The following MSH3 variants were observed in gnomAD, a reference collection of about 807,000 sequenced individuals.
The protein encoded by MSH3 is DNA mismatch repair protein Msh3.
MSH3 carries 106 observed loss-of-function variants against 123.3 expected under a neutral mutation model. The ratio of observed to expected loss-of-function variants is 0.86; its 90% CI spans 0.73 to 1.01. MSH3 has a LOEUF of 1.01. Among genes scored for constraint, MSH3 ranks in the 50% least tolerant of loss-of-function variants. The pLI, the probability that MSH3 is intolerant of heterozygous loss-of-function variation, is 0.00. For synonymous variants in MSH3, 515 were observed against 481.4 expected (o/e 1.07, Z -0.91); for missense variants, 1,459 against 1,347.6 (o/e 1.08, Z -1.29).
intron 19 of MSH3, among the ~76,000 whole-genome samples, chr5:80,810,172 CATATATAT>C (rs113702568): frequency 1.2e-4 from 14 of 121,574 alleles, no homozygotes; most frequent in South Asian, 6.1e-4. Flanking sequence ...GTTTGACATA[CATATATAT>C]ATATATATAT....
At chr5:80,777,890 C>T (rs1330034720) in intron 16 of MSH3, among the ~76,000 whole-genome samples, 1 of 152,204 alleles carries the variant, frequency 6.6e-6, no homozygotes, top group Admixed American at 6.5e-5. Context: ...ACCACCACCA[C>T]AACCACAATA....
At chr5:80,690,116 G>T (rs2112827483) in intron 8 of MSH3, among the ~76,000 whole-genome samples, 1 of 152,144 alleles carries the variant, frequency 6.6e-6, no homozygotes, top group Admixed American at 6.5e-5. Flanking sequence ...ATGGGTTCTG[G>T]CTATTTTGCC....
intron 20 of MSH3, among the ~76,000 whole-genome samples, chr5:80,847,460 T>C (rs1389309079): frequency 6.6e-6 from 1 of 152,106 alleles, no homozygotes; most frequent in African/African-American, 2.4e-5. Context: ...TTTATCTTCA[T>C]ATTTGCTTTG....
At chr5:80,836,543 CAA>C (rs71603568) in intron 20 of MSH3, among the ~76,000 whole-genome samples, 3 of 118,820 alleles carry the variant, frequency 2.5e-5, no homozygotes, top group African/African-American at 9.7e-5. Context: ...GAATATGCCA[CAA>C]AAAAAAAAAA....
chr5:80,865,535 AT>A (rs1164688029), intron 22 of MSH3, among the ~76,000 whole-genome samples: 4 of 152,168 alleles, frequency 2.6e-5, no homozygotes, highest in African/African-American at 9.7e-5. Context: ...TATGGAGGAA[AT>A]CTACAATATT....
intron 13 of MSH3, among the ~76,000 whole-genome samples, chr5:80,761,909 A>T (rs1439253809): frequency 6.6e-6 from 1 of 152,198 alleles, no homozygotes; most frequent in Non-Finnish European, 1.5e-5. Context: ...ACAGCAACAT[A>T]GAGGCCCTTC....
intron 23 of MSH3, among the ~76,000 whole-genome samples, chr5:80,874,251 C>G (rs1271400883): frequency 6.6e-6 from 1 of 152,140 alleles, no homozygotes; most frequent in Non-Finnish European, 1.5e-5. Flanking sequence ...TACCAAAGTA[C>G]AGTAGTGCAG....
chr5:80,672,866 T>G lies in MSH3; in HGVS notation c.1027+8T>G. 6.3e-7 allele frequency: 1 copy of G among 1,581,374 alleles called. No individual in the cohort carries two copies. On this transcript the variant is annotated splice_region_variant and intron_variant, in intron 6 of 23. Transcript: ENST00000265081. Reference sequence around the variant, plus strand: ...CTACACTTATTGGAGAAGATATCCTTTTTGGACGGGAGTTTTTCTCTTAAA... The same window carrying G: ...CTACACTTATTGGAGAAGATATCCTGTTTGGACGGGAGTTTTTCTCTTAAA...
intron 19 of MSH3, among the ~76,000 whole-genome samples, chr5:80,805,596 T>G (rs1273423044): frequency 2.4e-5 from 2 of 84,972 alleles, no homozygotes; most frequent in African/African-American, 4.8e-5. Flanking sequence ...CCCCTACCTT[T>G]TTTTTTTTTT....
At chr5:80,827,946 G>A (rs1375639426) in intron 20 of MSH3, among the ~76,000 whole-genome samples, 1 of 151,966 alleles carries the variant, frequency 6.6e-6, no homozygotes, top group African/African-American at 2.4e-5. Context: ...AAACTGAGAG[G>A]AAGGTATAGA....
At chr5:80,658,418 C>CA in intron 2 of MSH3, among the ~76,000 whole-genome samples, 1 of 152,262 alleles carries the variant, frequency 6.6e-6, no homozygotes, top group East Asian at 1.9e-4. Flanking sequence ...TGATGATTAT[C>CA]ACAGTTAAGT....
intron 20 of MSH3, among the ~76,000 whole-genome samples, chr5:80,819,684 G>A (rs1745170344): frequency 6.6e-6 from 1 of 151,560 alleles, no homozygotes; most frequent in Non-Finnish European, 1.5e-5. Context: ...AGGGGGTTTC[G>A]CCATGTTGGC....
chr5:80,719,800 T>C (rs941193706), intron 8 of MSH3, among the ~76,000 whole-genome samples: 2 of 152,220 alleles, frequency 1.3e-5, no homozygotes, highest in Admixed American at 1.3e-4. Flanking sequence ...CCACCAATTC[T>C]TATATCCATG....
intron 8 of MSH3, among the ~76,000 whole-genome samples, chr5:80,699,998 A>C (rs1348326584): frequency 1.3e-5 from 2 of 152,182 alleles, no homozygotes; most frequent in Non-Finnish European, 2.9e-5. Flanking sequence ...GCAGAAGATA[A>C]ATATAAAGTT....
chr5:80,664,119 G>T (rs1749510324), intron 2 of MSH3, among the ~76,000 whole-genome samples: 1 of 152,220 alleles, frequency 6.6e-6, no homozygotes, highest in African/African-American at 2.4e-5. Context: ...TTGGCAGACT[G>T]TGATGAGTGC....
intron 19 of MSH3, among the ~76,000 whole-genome samples, chr5:80,795,544 A>G (rs2112030161): frequency 6.6e-6 from 1 of 152,290 alleles, no homozygotes; most frequent in African/African-American, 2.4e-5. Flanking sequence ...TCAGGCCCTC[A>G]TGAACTTGTC....
intron 1 of MSH3, chr5:80,655,563 A>G (rs1650695): frequency 0.25 from 47,612 of 188,586 alleles, 6,358 homozygotes; most frequent in Middle Eastern, 0.36. Flanking sequence ...TCCTGTTGCC[A>G]TCCTTCAACG....
At chr5:80,680,260 CAA>C (rs928920459) in intron 8 of MSH3, among the ~76,000 whole-genome samples, 11 of 131,920 alleles carry the variant, frequency 8.3e-5, no homozygotes, top group Non-Finnish European at 6.6e-5. Flanking sequence ...ACTCTTATCT[CAA>C]AAAAAAAAAA....
chr5:80,782,880 G>A (rs1580048545), intron 17 of MSH3, among the ~76,000 whole-genome samples: 3 of 152,128 alleles, frequency 2.0e-5, no homozygotes, highest in Admixed American at 2.0e-4. Context: ...GGTACTAACT[G>A]TTGTGCATTA....
Sources: allele counts gnomAD v4.1 joint callset (sites outside exome capture counted in the v4.1 genomes callset), GRCh38; gene constraint gnomAD v4.1.1; transcripts MANE v1.5; gene names NCBI Gene and HGNC (gene_info 2026-07-23, HGNC 2026-07-21).